Variants in COL4A6 observed in about 807,000 individuals in gnomAD.
The protein encoded by COL4A6 is collagen alpha-6(IV) chain.
In COL4A6, 59 loss-of-function variants were observed where a neutral mutation model predicts 126.7. The observed-to-expected ratio is 0.47, with a 90% CI of 0.38 to 0.58. The LOEUF is 0.58. COL4A6 is among the 20% of genes least tolerant of loss of function. The pLI is 0.00. For synonymous variants in COL4A6, 547 were observed against 496.6 expected (o/e 1.10, Z -1.35); for missense variants, 1,285 against 1,337.3 (o/e 0.96, Z 0.61).
At chrX:108,246,654 G>A (rs1254112187) in intron 3 of COL4A6, among the ~76,000 whole-genome samples, 2 of 111,254 alleles carry the variant, frequency 1.8e-5, no homozygotes, top group African/African-American at 6.5e-5. Flanking sequence ...ATCTGGCCAG[G>A]GTATCATAAT....
At chrX:108,423,090 C>T (rs1279766888) in intron 2 of COL4A6, among the ~76,000 whole-genome samples, 31 of 112,207 alleles carry the variant, frequency 2.8e-4, no homozygotes, top group African/African-American at 8.1e-4. Context: ...AACTGAAAAT[C>T]TTACTAAATT....
rs200629818 is a variant in COL4A6, at chrX:108,165,393, C to T, written c.3785G>A (p.Arg1262Gln). ...LIAGQPGDPG[R>Q]PGLDGERGRP... Reference sequence around the variant, plus strand: ...ACCTCGTTCTCCATCTAGGCCTGGTCGCCCGGGGTCACCAGGCTGTCCTGC... The same window carrying T: ...ACCTCGTTCTCCATCTAGGCCTGGTTGCCCGGGGTCACCAGGCTGTCCTGC... Residue 1262 changes from arginine (R) to glutamine (Q), a missense_variant, in exon 38 of 45, where the codon CGA becomes CAA. Physicochemically the swap from Arg to Gln is conservative, Grantham distance 43. Coordinates refer to ENST00000334504, the MANE Select transcript of COL4A6 (RefSeq NM_033641.4). 58 of 1,206,636 alleles carry T rather than the reference C, an allele frequency of 4.8e-5. No individual in the cohort carries two copies. The highest frequency in any genetic ancestry group is 1.8e-4 in the East Asian group (6 of 33,700).
intron 41 of COL4A6, 22 bp downstream of exon 41, chrX:108,162,870 C>T: frequency 3.5e-6 from 4 of 1,131,843 alleles, no homozygotes; most frequent in Non-Finnish European, 4.7e-6. Flanking sequence ...AACAAATCTC[C>T]TTTTTCTGGC....
At chrX:108,342,723 C>T (rs894695484) in intron 2 of COL4A6, among the ~76,000 whole-genome samples, 3 of 111,373 alleles carry the variant, frequency 2.7e-5, no homozygotes, top group South Asian at 3.8e-4. Flanking sequence ...GCAATAGAGC[C>T]GATCACAGTG....
At chrX:108,381,329 C>T (rs1169848745) in intron 2 of COL4A6, among the ~76,000 whole-genome samples, 2 of 111,845 alleles carry the variant, frequency 1.8e-5, no homozygotes, top group Non-Finnish European at 3.8e-5. Flanking sequence ...TCCAGCTGAA[C>T]ACTGCCATAT....
intron 2 of COL4A6, among the ~76,000 whole-genome samples, chrX:108,341,324 TG>T (rs776923235): frequency 9.0e-6 from 1 of 111,399 alleles, no homozygotes; most frequent in Non-Finnish European, 1.9e-5. Flanking sequence ...CTGTATGGTT[TG>T]GCTGTGTCCC....
At chrX:108,166,691 G>C (rs563643656) in intron 37 of COL4A6, among the ~76,000 whole-genome samples, 1 of 111,097 alleles carries the variant, frequency 9.0e-6, no homozygotes, top group Non-Finnish European at 1.9e-5. Flanking sequence ...TCTTAGGTCC[G>C]GAAAAAAGAA....
At chrX:108,197,846 T>C (rs553509025) in intron 13 of COL4A6, among the ~76,000 whole-genome samples, 1 of 108,573 alleles carries the variant, frequency 9.2e-6, no homozygotes, top group South Asian at 4.3e-4. Flanking sequence ...GTCCCGTACT[T>C]ACCTGTTCTC....
At chrX:108,342,687 C>G (rs2039595386) in intron 2 of COL4A6, among the ~76,000 whole-genome samples, 1 of 111,751 alleles carries the variant, frequency 8.9e-6, no homozygotes, top group East Asian at 2.8e-4. Flanking sequence ...CAATTGCAGG[C>G]ATCTTTTGCT....
At chrX:108,302,748 T>C (rs1295546182) in intron 3 of COL4A6, among the ~76,000 whole-genome samples, 1 of 111,106 alleles carries the variant, frequency 9.0e-6, no homozygotes, top group Non-Finnish European at 1.9e-5. Flanking sequence ...TTACAGAGTA[T>C]GCACAACAGG....
intron 2 of COL4A6, among the ~76,000 whole-genome samples, chrX:108,346,160 C>T (rs1258141023): frequency 9.0e-6 from 1 of 111,584 alleles, no homozygotes; most frequent in Non-Finnish European, 1.9e-5. Context: ...CTGCCTTCCC[C>T]TTGGAGAATA....
At chrX:108,182,664 A>G (rs1056173369) in intron 23 of COL4A6, among the ~76,000 whole-genome samples, 1 of 112,158 alleles carries the variant, frequency 8.9e-6, no homozygotes, top group Admixed American at 9.4e-5. Flanking sequence ...AGGCTGAAGA[A>G]TTTCCTCCAG....
chrX:108,368,467 G>A (rs955331491), intron 2 of COL4A6, among the ~76,000 whole-genome samples: 3 of 110,797 alleles, frequency 2.7e-5, no homozygotes, highest in African/African-American at 6.6e-5. Context: ...GGGTATTACA[G>A]TACACTACTG....
chrX:108,343,165 A>ATAGTGTGT (rs1377817612), intron 2 of COL4A6, among the ~76,000 whole-genome samples: 10 of 31,410 alleles, frequency 3.2e-4, no homozygotes, highest in African/African-American at 9.1e-4. Context: ...ATATATATAT[A>ATAGTGTGT]GTGTGTGTGT....
Position 108,165,447 on chromosome X carries a change from G to T in COL4A6, c.3731C>A (p.Ala1244Asp). 1 of 1,201,178 alleles carries T rather than the reference G, an allele frequency of 8.3e-7. No individual in the cohort carries two copies. The highest frequency in any genetic ancestry group is 1.8e-5 in the South Asian group (1 of 54,568). Residue 1244 changes from alanine (A) to aspartate (D), a missense_variant, in exon 38 of 45, where the codon GCC becomes GAC. Physicochemically the swap from Ala to Asp is moderately radical, Grantham distance 126. Coordinates refer to ENST00000334504, the MANE Select transcript of COL4A6 (RefSeq NM_033641.4). ...GAGTGAGGGCAAGGAGATGCCTGGG[G>T]CACCGGGGAGACCAGCAGGGCCCTG... ...GLQGPAGLPG[A>D]PGISLPSLIA...
At chrX:108,238,409 G>T (rs2036491487) in intron 3 of COL4A6, among the ~76,000 whole-genome samples, 1 of 109,837 alleles carries the variant, frequency 9.1e-6, no homozygotes, top group Non-Finnish European at 1.9e-5. Flanking sequence ...ACCCGGGCGT[G>T]TGTGTGTATT....
Position 108,214,179 on chromosome X carries a change from CA to C in COL4A6, c.373del (p.Cys125ValfsTer45). 2.5e-6 allele frequency: 3 copies of C among 1,210,362 alleles called. No individual in the cohort carries two copies. Among genetic ancestry groups the C allele is most frequent in the Non-Finnish European group, 3.4e-6 (3 of 894,829 alleles). ...TCCAACAGCTCCTTGAGTTCCATTA[CA>C]GCCATCCAGACCAGGTGGGCCTCTG... ...GPRGPPGLDG[C>X]NGTQGAVGFP... On this transcript the variant is annotated frameshift_variant, in exon 6 of 45. Transcript: ENST00000334504. LOFTEE classifies it high-confidence loss of function.
At chrX:108,252,260 C>T (rs943067354) in intron 3 of COL4A6, among the ~76,000 whole-genome samples, 1 of 111,403 alleles carries the variant, frequency 9.0e-6, no homozygotes, top group South Asian at 3.8e-4. Context: ...TGGCTTATTT[C>T]ACTTAACATA....
intron 5 of COL4A6, among the ~76,000 whole-genome samples, 194 bp downstream of exon 5, chrX:108,219,504 G>A (rs1775289342): frequency 9.0e-6 from 1 of 111,601 alleles, no homozygotes. Flanking sequence ...CCAATCATCC[G>A]ACATAGGGCT....
Sources: allele counts gnomAD v4.1 joint callset (sites outside exome capture counted in the v4.1 genomes callset), GRCh38; gene constraint gnomAD v4.1.1; transcripts MANE v1.5; gene names NCBI Gene and HGNC (gene_info 2026-07-23, HGNC 2026-07-21).